Variants in RBM12 observed in about 807,000 individuals in gnomAD.
The protein encoded by RBM12 is RNA binding motif protein 12.
RBM12 carries 24 observed loss-of-function variants against 37.2 expected under a neutral mutation model. The ratio of observed to expected loss-of-function variants is 0.65; its 90% CI spans 0.47 to 0.91. RBM12 has a LOEUF of 0.91. RBM12 is among the 40% of genes least tolerant of loss of function. RBM12 has a pLI of 0.00. For synonymous variants in RBM12, 420 were observed against 425.2 expected, an observed-to-expected ratio of 0.99 and a Z score of 0.15; for missense variants, 1,061 against 1,183.2, an observed-to-expected ratio of 0.90 and a Z score of 1.52.
chr20:35,654,140 T>G lies in RBM12; in HGVS notation c.1183A>C (p.Met395Leu), dbSNP rs996574374. Residue 395 changes from methionine (M) to leucine (L), a missense_variant, in exon 3 of 3, where the codon ATG becomes CTG. By Grantham distance (15) the Met-to-Leu change is conservative. This residue lies in a region of RBM12 where 540 missense variants were observed against 632.7 expected (regional missense o/e 0.85). Coordinates refer to ENST00000374114, the MANE Select transcript of RBM12 (RefSeq NM_006047.6). Reference sequence around the variant, plus strand: ...GGATGAGTTTGTCCAGAAGGTCCCATATTTTGCTTAAAAGTGATATGGCCT... The same window carrying G: ...GGATGAGTTTGTCCAGAAGGTCCCAGATTTTGCTTAAAAGTGATATGGCCT... ...AGGHITFKQN[M>L]GPSGQTHPPP... is the part of the protein sequence containing the mutation. 2 of 1,614,124 alleles carry G rather than the reference T, an allele frequency of 1.2e-6. No homozygotes were observed. Among genetic ancestry groups the G allele is most frequent in the African/African-American group, 1.3e-5 (1 of 74,930 alleles).
rs189394073 is a variant in RBM12 at position 35,649,558 on chromosome 20, T to C, written c.*2966A>G. Reference sequence around the variant, plus strand: ...TACAAAGCTAGGAACTACATTTCACTTAACACTGTTTCATTTTTTAAAAAG... The same window carrying C: ...TACAAAGCTAGGAACTACATTTCACCTAACACTGTTTCATTTTTTAAAAAG... On this transcript the variant is annotated 3_prime_UTR_variant, in exon 3 of 3. Transcript: ENST00000374114. 62 of 152,774 alleles carry C rather than the reference T, an allele frequency of 4.1e-4. No individual in the cohort carries two copies. Among genetic ancestry groups the C allele is most frequent in the African/African-American group, 1.4e-3 (60 of 41,588 alleles). The allele number at this position is 152,774 out of a possible 1,614,324, so 9.5% of individuals were successfully genotyped here. A position where few individuals can be genotyped will look rare whatever the true frequency, so the allele number is the denominator to read the frequency against.
rs2033623607 is a variant in RBM12 at position 35,652,855 on chromosome 20, G to A, written c.2468C>T (p.Pro823Leu). 3 of 1,611,148 alleles carry A rather than the reference G, an allele frequency of 1.9e-6. No individual in the cohort carries two copies. In the African/African-American group the frequency reaches 4.0e-5, roughly 22 times the overall value. Residue 823 changes from proline (P) to leucine (L), a missense_variant, in exon 3 of 3, where the codon CCA (proline) becomes CTA (leucine). This residue lies in a region of RBM12 where 517 missense variants were observed against 534.0 expected (regional missense o/e 0.97). Coordinates refer to ENST00000374114, the MANE Select transcript of RBM12 (RefSeq NM_006047.6). ...GGGGCCGGGGCCAGGCCCAAAAGCT[G>A]GTGGCCCACCCAAATGCCCAGGGGC... ...GSAPGHLGGP[P>L]AFGPGPGPGP...
chr20:35,654,805 G>A lies in RBM12; in HGVS notation c.518C>T (p.Ser173Leu), dbSNP rs763674282. 5 of 1,614,090 alleles carry A rather than the reference G, an allele frequency of 3.1e-6. No homozygotes were observed. In the East Asian group the frequency reaches 1.1e-4, roughly 36 times the overall value. The change falls in exon 3 of 3, where the codon TCA becomes TTA. Residue 173 changes from serine (S) to leucine (L), a missense_variant. By Grantham distance (145) the Ser-to-Leu change is moderately radical. Around this residue, in one of 3 missense-constraint regions of RBM12, gnomAD observed 540 missense variants for 632.7 expected, o/e 0.85. Transcript: ENST00000374114. The part of the protein sequence containing the change: ...GASFGSPTFS[S>L]TVPSTASPMN... Reference sequence around the variant, plus strand: ...TGGAGAGGCTGTGCTTGGAACAGTTGAGCTAAACGTTGGGCTCCCAAAGGA... The same window carrying A: ...TGGAGAGGCTGTGCTTGGAACAGTTAAGCTAAACGTTGGGCTCCCAAAGGA...
At position 35,649,444 on chromosome 20, in the gene RBM12, G is replaced by A. The variant is rs913966781; in HGVS notation, c.*3080C>T. 2 of 152,400 alleles carry A rather than the reference G, an allele frequency of 1.3e-5. No individual in the cohort carries two copies. The highest frequency in any genetic ancestry group is 2.9e-5 in the Non-Finnish European group (2 of 67,998). 9.4% of individuals were successfully genotyped at this position (152,400 alleles called of 1,614,324 possible). On this transcript the variant is annotated 3_prime_UTR_variant, in exon 3 of 3. Transcript: ENST00000374114. Reference sequence around the variant, plus strand: ...GATTTTCATCCAGTGGGTTAAGACTGGCCTTAACTACACTGAATATTACTA... The same window carrying A: ...GATTTTCATCCAGTGGGTTAAGACTAGCCTTAACTACACTGAATATTACTA...
At chr20:35,663,523 T>C (rs1337393595) in intron 1 of RBM12, among the ~76,000 whole-genome samples, 2 of 152,218 alleles carry the variant, frequency 1.3e-5, no homozygotes, top group African/African-American at 2.4e-5. Context: ...GACTCTATTA[T>C]TGAATAATAT....
chr20:35,659,053 G>A (rs1290549986), intron 1 of RBM12, 39 bp from the exon 2 acceptor site: 4 of 700,628 alleles, frequency 5.7e-6, no homozygotes, highest in Non-Finnish European at 1.1e-5. Context: ...ATCAATGCAG[G>A]AAACACAAAA....
rs1434638295 is a variant in RBM12, at chr20:35,649,234, TC to T, written c.*3289del. 3 of 152,370 alleles carry T rather than the reference TC, an allele frequency of 2.0e-5. No individual in the cohort carries two copies. The South Asian group carries it at 6.2e-4, about 32-fold the overall frequency. 9.4% of individuals were successfully genotyped at this position (152,370 alleles called of 1,614,324 possible). A position where few individuals can be genotyped will look rare whatever the true frequency, so the allele number is the denominator to read the frequency against. On this transcript the variant is annotated 3_prime_UTR_variant, in exon 3 of 3. Transcript: ENST00000374114. ...TTTGACTAGCAGCAATTTTACATTT[TC>T]TTTACTCATTTCCCGAGTGTTCTTA...
intron 2 of RBM12, 77 bp downstream of exon 2, chr20:35,658,853 A>C: frequency 1.4e-6 from 1 of 696,012 alleles, no homozygotes. Flanking sequence ...TAGTTGCTAC[A>C]TATATTTTCA....
chr20:35,663,174 A>G (rs2034330164), intron 1 of RBM12, among the ~76,000 whole-genome samples: 1 of 152,228 alleles, frequency 6.6e-6, no homozygotes, highest in Non-Finnish European at 1.5e-5. Context: ...CACACTTTCC[A>G]CTAAATCCAG....
rs754518733 is a variant in RBM12 at position 35,654,585 on chromosome 20, G to C, written c.738C>G (p.Pro246=). 5 of 1,614,220 alleles carry C rather than the reference G, an allele frequency of 3.1e-6. No individual in the cohort carries two copies. The African/African-American group carries it at 6.7e-5, about 22-fold the overall frequency. ...TPLPPMSGMP[P]LNPPPVAPLP... ...GAGGTGCCACAGGTGGCGGATTCAA[G>C]GGCGGCATGCCCGACATGGGTGGCA... is the stretch of plus-strand genomic sequence containing the variant. Residue 246 remains proline (P), a synonymous_variant, in exon 3 of 3, where the codon CCC becomes CCG. Coordinates refer to ENST00000374114, the MANE Select transcript of RBM12 (RefSeq NM_006047.6).
In RBM12 at chr20:35,649,149, T is replaced by C. The variant is rs77886510; in HGVS notation, c.*3375A>G. ...CAGTAAAACAATTTAAATGTGGCAATTTTGCAAGGGTGGAAAATAATTTTT... is the reference window on the plus strand; with the variant it reads ...CAGTAAAACAATTTAAATGTGGCAACTTTGCAAGGGTGGAAAATAATTTTT... On this transcript the variant is annotated 3_prime_UTR_variant, in exon 3 of 3. Coordinates refer to ENST00000374114, the MANE Select transcript of RBM12 (RefSeq NM_006047.6). 5,556 of 152,504 alleles carry C rather than the reference T, an allele frequency of 0.036. 132 individuals are homozygous for C. The highest frequency in any genetic ancestry group is 0.061 in the Non-Finnish European group (4,147 of 68,028). The allele number at this position is 152,504 out of a possible 1,614,324, so 9.4% of individuals were successfully genotyped here. A position where few individuals can be genotyped will look rare whatever the true frequency, so the allele number is the denominator to read the frequency against.
chr20:35,653,316 A>C lies in RBM12; in HGVS notation c.2007T>G (p.Gly669=). 6.2e-7 allele frequency: 1 copy of C among 1,613,820 alleles called. No homozygotes were observed. Among genetic ancestry groups the C allele is most frequent in the Non-Finnish European group, 8.5e-7 (1 of 1,179,872 alleles). ...GCAGTCCTGTGCTGGGCAGGCCTGC[A>C]CCGGGAAGTCCTGCACTGGGCAGTC... is the stretch of plus-strand genomic sequence containing the variant. The part of the protein sequence containing the change: ...GVGLPSAGLP[G]AGLPSTGLPG... The change falls in exon 3 of 3, where the codon GGT becomes GGG. Residue 669 remains glycine, a synonymous_variant. Coordinates refer to ENST00000374114, the MANE Select transcript of RBM12 (RefSeq NM_006047.6).
At chr20:35,662,751 A>G (rs749447161) in intron 1 of RBM12, among the ~76,000 whole-genome samples, 2 of 152,202 alleles carry the variant, frequency 1.3e-5, no homozygotes, top group African/African-American at 4.8e-5. Context: ...TTTCACACCT[A>G]AAGACTGTAC....
At position 35,654,067 on chromosome 20, in the gene RBM12, C is replaced by A. The variant is rs767179118; in HGVS notation, c.1256G>T (p.Arg419Ile). The A allele has an allele frequency of 6.2e-7, 1 of 1,614,210 alleles. No homozygotes were observed. Among genetic ancestry groups the A allele is most frequent in the South Asian group, 1.1e-5 (1 of 91,084 alleles). The change falls in exon 3 of 3, where the codon AGA becomes ATA. Residue 419 changes from arginine (R) to isoleucine (I), a missense_variant. By Grantham distance (97) the Arg-to-Ile change is moderately conservative. This residue lies in a region of RBM12 where 540 missense variants were observed against 632.7 expected (regional missense o/e 0.85). Transcript: ENST00000374114. ...CTCATGTGGTGATCTTGACCTTGAT[C>A]TTTTCTGCCCACTGGGCGATTTTGA... ...PRSKSPSGQK[R>I]SRSRSPHEAG...
rs1224972933 is a variant in RBM12 at position 35,664,800 on chromosome 20, A to G, written c.-148T>C. ...GGCACCAGAACCCAGACCCCGAATTACCCCCCGCGCGAGTGCCTCCGCCCC... is the reference window on the plus strand; with the variant it reads ...GGCACCAGAACCCAGACCCCGAATTGCCCCCCGCGCGAGTGCCTCCGCCCC... On this transcript the variant is annotated 5_prime_UTR_variant, in exon 1 of 3. Transcript: ENST00000374114. 6.6e-6 allele frequency: 1 copy of G among 151,454 alleles called. No individual in the cohort carries two copies. Among genetic ancestry groups the G allele is most frequent in the African/African-American group, 2.4e-5 (1 of 41,078 alleles). 9.4% of individuals were successfully genotyped at this position (151,454 alleles called of 1,614,324 possible).
chr20:35,652,750 A>T lies in RBM12; in HGVS notation c.2573T>A (p.Ile858Asn), dbSNP rs1362410472. 6.2e-7 allele frequency: 1 copy of T among 1,613,432 alleles called. No individual in the cohort carries two copies. The change falls in exon 3 of 3, where the codon ATT becomes AAT. Residue 858 changes from isoleucine (I) to asparagine (N), a missense_variant. Physicochemically the swap from Ile to Asn is moderately radical, Grantham distance 149. Around this residue, in one of 3 missense-constraint regions of RBM12, gnomAD observed 517 missense variants for 534.0 expected, o/e 0.97. Transcript: ENST00000374114. ...AGTAAAGGGCATGTTTTGCACTTTA[A>T]TTACTGTCGGTCCTGGTTTTCCAGA... Reference protein sequence around the residue: ...SSSGKPGPTVIKVQNMPFTVS... With the variant: ...SSSGKPGPTVNKVQNMPFTVS...
At chr20:35,659,809 C>T (rs1477904913) in intron 1 of RBM12, among the ~76,000 whole-genome samples, 2 of 152,120 alleles carry the variant, frequency 1.3e-5, no homozygotes, top group African/African-American at 4.8e-5. Flanking sequence ...GCATATATGA[C>T]CAAATGTCTA....
chr20:35,653,598 A>T lies in RBM12; in HGVS notation c.1725T>A (p.His575Gln). 1 of 1,614,232 alleles carries T rather than the reference A, an allele frequency of 6.2e-7. No homozygotes were observed. The change falls in exon 3 of 3, where the codon CAT becomes CAA. Residue 575 changes from histidine (H) to glutamine (Q), a missense_variant. Around this residue, in one of 3 missense-constraint regions of RBM12, gnomAD observed 517 missense variants for 534.0 expected, o/e 0.97. Coordinates refer to ENST00000374114, the MANE Select transcript of RBM12 (RefSeq NM_006047.6). ...CTTGCCCATTGTTATCAACAAGAAC[A>T]TGTACAGCATTTTCATCCACTGGGA... Reference protein sequence around the residue: ...EGIPVDENAVHVLVDNNGQGL... With the variant: ...EGIPVDENAVQVLVDNNGQGL...
chr20:35,662,531 T>A (rs930793100), intron 1 of RBM12, among the ~76,000 whole-genome samples: 11 of 152,222 alleles, frequency 7.2e-5, no homozygotes, highest in Admixed American at 7.2e-4. Context: ...GATATAAAAG[T>A]GGACATCATC....
Sources: gnomAD v4.1 joint callset for allele counts (sites outside exome capture counted in the v4.1 genomes callset) on GRCh38, gnomAD v4.1.1 for gene constraint, gnomAD v4.1.1 regional missense constraint, MANE v1.5 for transcripts, NCBI Gene and HGNC (gene_info 2026-07-23, HGNC 2026-07-21) for gene names.